The following DCDC1 variants were observed in gnomAD, a reference collection of about 807,000 sequenced individuals.
The protein encoded by DCDC1 is doublecortin domain-containing protein 1.
DCDC1 carries 200 observed loss-of-function variants against 178.3 expected under a neutral mutation model. The observed-to-expected ratio is 1.12, with a 90% CI of 1.00 to 1.26. The LOEUF (loss-of-function observed/expected upper bound fraction) is 1.26. Among genes scored for constraint, DCDC1 ranks in the 50% most tolerant of loss-of-function variants. DCDC1 has a pLI of 0.00. For missense variants in DCDC1, 1,983 were observed against 1,749.2 expected (o/e 1.13, Z -2.38); for synonymous variants, 690 against 604.8 (o/e 1.14, Z -2.07).
chr11:30,970,761 C>G (rs1264705113), intron 20 of DCDC1, among the ~76,000 whole-genome samples: 1 of 152,144 alleles, frequency 6.6e-6, no homozygotes, highest in Non-Finnish European at 1.5e-5. Flanking sequence ...GCCACTGATC[C>G]TTCCCCCAAC....
intron 9 of DCDC1, among the ~76,000 whole-genome samples, chr11:31,160,190 T>C (rs1041581496): frequency 6.6e-6 from 1 of 152,184 alleles, no homozygotes; most frequent in Admixed American, 6.6e-5. Context: ...TAAACATATG[T>C]ACTTAAATAT....
At chr11:31,315,041 C>A (rs569228303) in intron 3 of DCDC1, among the ~76,000 whole-genome samples, 1 of 151,924 alleles carries the variant, frequency 6.6e-6, no homozygotes, top group Non-Finnish European at 1.5e-5. Context: ...GGAAGGAGTA[C>A]AGAAAAAAAC....
At chr11:31,359,658 C>G (rs1015139446) in intron 1 of DCDC1, among the ~76,000 whole-genome samples, 5 of 152,176 alleles carry the variant, frequency 3.3e-5, no homozygotes, top group Non-Finnish European at 5.9e-5. Flanking sequence ...GCAAAGACCA[C>G]TGGGACTGGA....
intron 18 of DCDC1, among the ~76,000 whole-genome samples, chr11:31,069,160 A>AT (rs1490810642): frequency 1.3e-5 from 2 of 152,018 alleles, no homozygotes; most frequent in Admixed American, 6.6e-5. Flanking sequence ...CCATTAATGT[A>AT]TTTTTTCTAA....
intron 7 of DCDC1, among the ~76,000 whole-genome samples, chr11:31,275,272 T>C (rs1945894418): frequency 6.6e-6 from 1 of 152,152 alleles, no homozygotes; most frequent in Non-Finnish European, 1.5e-5. Context: ...TCCAGAAGAA[T>C]TTTTTTCAAA....
chr11:31,322,473 G>T (rs529973630), intron 3 of DCDC1, among the ~76,000 whole-genome samples: 2 of 152,268 alleles, frequency 1.3e-5, no homozygotes, highest in South Asian at 4.1e-4. Context: ...TAAAGCCAAT[G>T]ATGGTAATTT....
intron 20 of DCDC1, among the ~76,000 whole-genome samples, chr11:30,973,255 C>T (rs1268185142): frequency 2.2e-5 from 3 of 135,980 alleles, no homozygotes; most frequent in Middle Eastern, 4.0e-3. Flanking sequence ...ACCTGGGTGA[C>T]AGAGTGAGAC....
At chr11:31,042,830 C>T (rs581993) in intron 20 of DCDC1, among the ~76,000 whole-genome samples, 74,242 of 151,926 alleles carry the variant, frequency 0.49, 18,396 homozygotes, top group Middle Eastern at 0.57. Flanking sequence ...TCCAGTGAAG[C>T]TGGATCCACC....
chr11:31,034,615 A>G (rs1413067580), intron 20 of DCDC1, among the ~76,000 whole-genome samples: 5 of 152,196 alleles, frequency 3.3e-5, no homozygotes, highest in Admixed American at 3.3e-4. Context: ...AACATGCTGT[A>G]TAGGTTTGTA....
chr11:31,042,331 G>A (rs1008457257), intron 20 of DCDC1, among the ~76,000 whole-genome samples: 1 of 152,140 alleles, frequency 6.6e-6, no homozygotes, highest in Admixed American at 6.5e-5. Flanking sequence ...CTATTAATTT[G>A]TAATAACCAC....
chr11:31,257,873 T>C (rs1376229774), intron 8 of DCDC1, among the ~76,000 whole-genome samples: 1 of 152,064 alleles, frequency 6.6e-6, no homozygotes, highest in Non-Finnish European at 1.5e-5. Flanking sequence ...TGGGACCCAG[T>C]GAAACCTATT....
In DCDC1 at chr11:30,864,285, T is replaced by C. The variant is rs919025461; in HGVS notation, c.*1088A>G. 1 of 152,244 alleles carries C rather than the reference T, an allele frequency of 6.6e-6. No individual in the cohort carries two copies. Among genetic ancestry groups the C allele is most frequent in the Non-Finnish European group, 1.5e-5 (1 of 68,044 alleles). 9.4% of individuals were successfully genotyped at this position (152,244 alleles called of 1,614,324 possible). A position where few individuals can be genotyped will look rare whatever the true frequency, so the allele number is the denominator to read the frequency against. ...ATCTATAAGTAATTTCACATAACTT[T>C]TGGATGTTTCTTCAAACTTGGGATT... is the stretch of plus-strand genomic sequence containing the variant. On this transcript the variant is annotated 3_prime_UTR_variant, in exon 39 of 39. Coordinates refer to ENST00000684477, the MANE Select transcript of DCDC1 (RefSeq NM_001387274.1).
chr11:31,360,017 C>T (rs900237628), intron 1 of DCDC1, among the ~76,000 whole-genome samples: 2 of 152,136 alleles, frequency 1.3e-5, no homozygotes, highest in East Asian at 1.9e-4. Flanking sequence ...TGAAAACATA[C>T]GCAATATGTA....
intron 6 of DCDC1, among the ~76,000 whole-genome samples, chr11:31,297,995 C>T (rs528586587): frequency 6.6e-6 from 1 of 152,290 alleles, no homozygotes; most frequent in African/African-American, 2.4e-5. Flanking sequence ...CACATGTCAT[C>T]AGGACCTCCT....
At chr11:31,050,524 C>T (rs1027203355) in intron 20 of DCDC1, among the ~76,000 whole-genome samples, 4 of 152,180 alleles carry the variant, frequency 2.6e-5, no homozygotes, top group South Asian at 2.1e-4. Flanking sequence ...TGGAAAGCAC[C>T]GTGTCCTGGC....
chr11:31,114,240 A>C (rs1054054428), intron 11 of DCDC1, among the ~76,000 whole-genome samples: 1 of 152,166 alleles, frequency 6.6e-6, no homozygotes. Flanking sequence ...ACGTGGTATA[A>C]GAAAGGGTAT....
In DCDC1 at chr11:31,306,414, T is replaced by C. The variant is rs1383556580; in HGVS notation, c.435-26A>G. 5.1e-6 allele frequency: 8 copies of C among 1,572,786 alleles called. No homozygotes were observed. In the African/African-American group the frequency reaches 5.5e-5, roughly 11 times the overall value. On this transcript the variant is annotated intron_variant, in intron 4 of 38. Coordinates refer to ENST00000684477, the MANE Select transcript of DCDC1 (RefSeq NM_001387274.1). ...CTGAAGAAAAAGAAAAACAGAAAAA[T>C]TGATGCATGCTAATTAGTGAAAGCT... is the stretch of plus-strand genomic sequence containing the variant.
At chr11:31,060,129 A>G (rs1453620249) in intron 20 of DCDC1, among the ~76,000 whole-genome samples, 2 of 152,038 alleles carry the variant, frequency 1.3e-5, no homozygotes, top group Admixed American at 6.6e-5. Flanking sequence ...AAATTGACCA[A>G]TGCAGTAGAG....
At chr11:30,949,808 G>C (rs1471470651) in intron 21 of DCDC1, among the ~76,000 whole-genome samples, 4 of 132,024 alleles carry the variant, frequency 3.0e-5, no homozygotes, top group African/African-American at 1.1e-4. Flanking sequence ...TGAACAATGA[G>C]AACAGATGGA....
Sources: allele counts gnomAD v4.1 joint callset (sites outside exome capture counted in the v4.1 genomes callset), GRCh38; gene constraint gnomAD v4.1.1; transcripts MANE v1.5; gene names NCBI Gene and HGNC (gene_info 2026-07-23, HGNC 2026-07-21).